CNOT4: variants seen among roughly 807,000 people sequenced by gnomAD.
CNOT4 encodes the protein CCR4-associated factor 4.
In CNOT4, 8 loss-of-function variants were observed where a neutral mutation model predicts 73.8. The observed-to-expected ratio is 0.11, with a 90% CI of 0.06 to 0.20. CNOT4 has a LOEUF of 0.20. CNOT4 is among the 10% of genes least tolerant of loss of function. The pLI, the probability that CNOT4 is intolerant of heterozygous loss-of-function variation, is 1.00. For missense variants in CNOT4, 564 were observed against 883.4 expected (o/e 0.64, Z 4.58); for synonymous variants, 293 against 321.1 (o/e 0.91, Z 0.94).
chr7:135,363,338 C>T lies in CNOT4; in HGVS notation c.1841-152G>A, dbSNP rs1031420176. 1 of 692,874 alleles carries T rather than the reference C, an allele frequency of 1.4e-6. No individual in the cohort carries two copies. The highest frequency in any genetic ancestry group is 1.9e-5 in the South Asian group (1 of 52,438). The allele number at this position is 692,874 out of a possible 1,614,324, so 42.9% of individuals were successfully genotyped here. On this transcript the variant is annotated intron_variant, in intron 11 of 11. Transcript: ENST00000541284. This position sits in a 1 kb window ranked among gnomAD's most constrained non-coding sequence, Gnocchi z 4.3. ...AAATAAGACCTTTTAAACCAATCCT[C>T]CCCCAACAACAAAGAACTTATTGGC...
At chr7:135,426,631 G>C (rs1360171048) in intron 2 of CNOT4, among the ~76,000 whole-genome samples, 6 of 147,948 alleles carry the variant, frequency 4.1e-5, no homozygotes, top group Non-Finnish European at 7.5e-5. Flanking sequence ...AAGAAAGAAA[G>C]AAAAATACAG....
intron 2 of CNOT4, among the ~76,000 whole-genome samples, chr7:135,424,123 T>C (rs1016275411): frequency 6.6e-6 from 1 of 151,722 alleles, no homozygotes; most frequent in Non-Finnish European, 1.5e-5. Context: ...ATTTCTTGCA[T>C]TTTAATTTAA....
At chr7:135,451,863 G>T (rs1483222009) in intron 1 of CNOT4, among the ~76,000 whole-genome samples, 9 of 152,192 alleles carry the variant, frequency 5.9e-5, no homozygotes, top group African/African-American at 2.2e-4. Flanking sequence ...TGCAAAGACT[G>T]TGCCTATGTT....
intron 1 of CNOT4, among the ~76,000 whole-genome samples, chr7:135,490,884 C>T (rs1193136857): frequency 6.6e-6 from 1 of 152,210 alleles, no homozygotes; most frequent in African/African-American, 2.4e-5. Context: ...AGGCTGCTGC[C>T]ATTACCCAGC....
intron 1 of CNOT4, among the ~76,000 whole-genome samples, chr7:135,450,973 C>A (rs546800015): frequency 4.7e-4 from 71 of 151,976 alleles, no homozygotes; most frequent in African/African-American, 1.6e-3. Flanking sequence ...AAAATAAGAC[C>A]CTCCAGAAAA....
intron 1 of CNOT4, among the ~76,000 whole-genome samples, chr7:135,484,928 T>A (rs1802620794): frequency 6.6e-6 from 1 of 152,090 alleles, no homozygotes; most frequent in Non-Finnish European, 1.5e-5. Context: ...AATTACAAAA[T>A]GCTAACGTAA....
chr7:135,494,355 A>C (rs1379831507), intron 1 of CNOT4, among the ~76,000 whole-genome samples: 2 of 151,350 alleles, frequency 1.3e-5, no homozygotes, highest in African/African-American at 2.4e-5. Context: ...CTGTAATCCC[A>C]GCTACTCGGG....
intron 7 of CNOT4, among the ~76,000 whole-genome samples, chr7:135,406,623 T>G (rs907263588): frequency 6.6e-6 from 1 of 152,172 alleles, no homozygotes; most frequent in African/African-American, 2.4e-5. Flanking sequence ...ATTACACCAC[T>G]GTGCTCCAGC....
chr7:135,463,541 A>G (rs889631443), intron 1 of CNOT4, among the ~76,000 whole-genome samples: 1 of 109,694 alleles, frequency 9.1e-6, no homozygotes, highest in Non-Finnish European at 1.8e-5. Flanking sequence ...TCATCCCCCC[A>G]CCCAAAAAAA....
intron 2 of CNOT4, among the ~76,000 whole-genome samples, chr7:135,437,277 C>A (rs956241553): frequency 1.2e-4 from 19 of 152,094 alleles, no homozygotes; most frequent in Non-Finnish European, 2.4e-4. Flanking sequence ...GCAAGCTCCG[C>A]CTTCCGGGTT....
chr7:135,447,083 A>C (rs1799878485), intron 1 of CNOT4, among the ~76,000 whole-genome samples: 1 of 143,896 alleles, frequency 6.9e-6, no homozygotes, highest in Admixed American at 6.9e-5. Flanking sequence ...AAGCATTCAC[A>C]CATTTGATGA....
chr7:135,467,384 C>T (rs928031683), intron 1 of CNOT4, among the ~76,000 whole-genome samples: 7 of 152,104 alleles, frequency 4.6e-5, no homozygotes, highest in Non-Finnish European at 1.0e-4. Flanking sequence ...GTGAGTCAGC[C>T]TTCTTTAGTC....
intron 1 of CNOT4, among the ~76,000 whole-genome samples, chr7:135,469,507 G>T (rs942394399): frequency 6.6e-6 from 1 of 152,022 alleles, no homozygotes; most frequent in African/African-American, 2.4e-5. Flanking sequence ...AAGCAGTCAG[G>T]TGTAAAAATG....
At position 135,438,411 on chromosome 7, in the gene CNOT4, G is replaced by C; in HGVS notation, c.-80C>G. ...GTTCAGCACTGAAAGCTAAAATGTAGGACTTTGACGACCTGCATGAGAAGA... is the reference window on the plus strand; with the variant it reads ...GTTCAGCACTGAAAGCTAAAATGTACGACTTTGACGACCTGCATGAGAAGA... On this transcript the variant is annotated 5_prime_UTR_variant, in exon 2 of 12. Coordinates refer to ENST00000541284, the MANE Select transcript of CNOT4 (RefSeq NM_001190850.2). 8.7e-7 allele frequency: 1 copy of C among 1,155,134 alleles called. No individual in the cohort carries two copies. The highest frequency in any genetic ancestry group is 1.2e-6 in the Non-Finnish European group (1 of 842,632). 71.6% of individuals were successfully genotyped at this position (1,155,134 alleles called of 1,614,324 possible). A position where few individuals can be genotyped will look rare whatever the true frequency, so the allele number is the denominator to read the frequency against.
At chr7:135,467,376 G>A (rs1452280256) in intron 1 of CNOT4, among the ~76,000 whole-genome samples, 1 of 152,110 alleles carries the variant, frequency 6.6e-6, no homozygotes, top group Non-Finnish European at 1.5e-5. Context: ...CCATCGCTGT[G>A]AGTCAGCCTT....
At chr7:135,485,947 T>C (rs1028636336) in intron 1 of CNOT4, among the ~76,000 whole-genome samples, 1 of 152,060 alleles carries the variant, frequency 6.6e-6, no homozygotes, top group African/African-American at 2.4e-5. Context: ...CTCATCAAAA[T>C]TAAAAACTTT....
intron 1 of CNOT4, among the ~76,000 whole-genome samples, chr7:135,465,720 TG>T (rs766051878): frequency 1.5e-4 from 23 of 151,370 alleles, no homozygotes; most frequent in Non-Finnish European, 2.7e-4. Context: ...TAAGCATGTG[TG>T]TGTGTTTAAC....
At position 135,363,243 on chromosome 7, in the gene CNOT4, G is replaced by A; in HGVS notation, c.1841-57C>T. The A allele has an allele frequency of 6.5e-7, 1 of 1,531,740 alleles. No individual in the cohort carries two copies. Among genetic ancestry groups the A allele is most frequent in the Non-Finnish European group, 9.0e-7 (1 of 1,114,436 alleles). 94.9% of individuals were successfully genotyped at this position (1,531,740 alleles called of 1,614,324 possible). A position where few individuals can be genotyped will look rare whatever the true frequency, so the allele number is the denominator to read the frequency against. ...GGTGAGTTTGTGTGGAAAGAATAAG[G>A]TCGTCAAACAAATTTAGAAAGCAAA... On this transcript the variant is annotated intron_variant, in intron 11 of 11. Transcript: ENST00000541284. The surrounding 1 kb of genome is among the most constrained non-coding windows in gnomAD (Gnocchi z 4.3).
chr7:135,465,982 G>A (rs1376297859), intron 1 of CNOT4, among the ~76,000 whole-genome samples: 3 of 152,044 alleles, frequency 2.0e-5, no homozygotes, highest in Non-Finnish European at 4.4e-5. Context: ...CTGGGAGGCA[G>A]AGGTTGCAGT....
Sources: gnomAD v4.1 joint callset for allele counts (sites outside exome capture counted in the v4.1 genomes callset) on GRCh38, gnomAD v4.1.1 for gene constraint, Gnocchi (gnomAD v3.1) non-coding constraint, MANE v1.5 for transcripts, NCBI Gene and HGNC (gene_info 2026-07-23, HGNC 2026-07-21) for gene names.